Variants in KYAT1 observed in about 807,000 individuals in gnomAD.
KYAT1 encodes the protein kynurenine--oxoglutarate transaminase 1.
A neutral mutation model predicts 52.4 loss-of-function variants in KYAT1; 47 were observed. The ratio of observed to expected loss-of-function variants is 0.90; its 90% CI spans 0.71 to 1.14. The LOEUF is 1.14. Ranked by LOEUF, KYAT1 falls within the 50% of genes most tolerant of loss-of-function variation. KYAT1 has a pLI of 0.00. For missense variants in KYAT1, 480 were observed against 557.9 expected, an observed-to-expected ratio of 0.86 and a Z score of 1.41; for synonymous variants, 212 against 209.6, an observed-to-expected ratio of 1.01 and a Z score of -0.10.
At chr9:128,840,001 G>A (rs940380804) in intron 3 of KYAT1, among the ~76,000 whole-genome samples, 3 of 152,162 alleles carry the variant, frequency 2.0e-5, no homozygotes, top group Non-Finnish European at 4.4e-5. Flanking sequence ...AGGCTGAAGT[G>A]AGTTATGATC....
chr9:128,880,102 G>A (rs1053540714), intron 1 of KYAT1, among the ~76,000 whole-genome samples: 6 of 152,166 alleles, frequency 3.9e-5, no homozygotes, highest in Admixed American at 3.9e-4. Flanking sequence ...AGTATAATAC[G>A]TGGGAACATT....
At chr9:128,860,367 A>T (rs953108393) in intron 1 of KYAT1, 1 of 152,368 alleles carries the variant, frequency 6.6e-6, no homozygotes, top group Admixed American at 6.5e-5. Flanking sequence ...AGCAGCACAC[A>T]TCCACGCTGC....
intron 1 of KYAT1, among the ~76,000 whole-genome samples, chr9:128,858,989 ATC>A (rs1835071289): frequency 6.9e-6 from 1 of 144,344 alleles, no homozygotes; most frequent in African/African-American, 2.7e-5. Context: ...ACAAGACTCC[ATC>A]TCAAAAAAAA....
At chr9:128,859,363 C>CA (rs1367376537) in intron 1 of KYAT1, among the ~76,000 whole-genome samples, 3 of 149,824 alleles carry the variant, frequency 2.0e-5, no homozygotes, top group East Asian at 2.0e-4. Context: ...TCCGTCTCAA[C>CA]AACAAAAAAA....
upstream of KYAT1, chr9:128,882,198 G>T: frequency 6.5e-6 from 1 of 153,212 alleles, no homozygotes; most frequent in South Asian, 1.9e-4. Flanking sequence ...CGGCGGGACG[G>T]AGCGGCCGGG....
intron 1 of KYAT1, among the ~76,000 whole-genome samples, chr9:128,865,189 C>A (rs2130721253): frequency 7.0e-6 from 1 of 142,062 alleles, no homozygotes; most frequent in East Asian, 2.1e-4. Flanking sequence ...TGCACTACTG[C>A]ACTGCAGCCT....
intron 11 of KYAT1, 131 bp from the exon 12 acceptor site, chr9:128,833,957 A>G (rs1195039273): frequency 1.5e-6 from 1 of 680,116 alleles, no homozygotes; most frequent in African/African-American, 1.8e-5. Context: ...CTAGAGCTGC[A>G]TCAAAGTCAG....
At chr9:128,882,038 G>C (rs1448275190), upstream of KYAT1, 1 of 152,256 alleles carries the variant, frequency 6.6e-6, no homozygotes, top group Admixed American at 6.5e-5. Flanking sequence ...GAGAGCGGGA[G>C]AAAGCGCCGC....
intron 1 of KYAT1, among the ~76,000 whole-genome samples, chr9:128,854,658 T>A (rs1467455022): frequency 6.6e-6 from 1 of 152,220 alleles, no homozygotes; most frequent in Non-Finnish European, 1.5e-5. Flanking sequence ...GTGGTAAGTC[T>A]CACTATGTCT....
At chr9:128,841,355 T>C (rs955878361) in intron 3 of KYAT1, among the ~76,000 whole-genome samples, 1 of 151,804 alleles carries the variant, frequency 6.6e-6, no homozygotes, top group Non-Finnish European at 1.5e-5. Context: ...ATACAAAAAT[T>C]AGCTGGGCAT....
chr9:128,846,869 A>G (rs899596095), intron 1 of KYAT1: 3 of 1,532,014 alleles, frequency 2.0e-6, no homozygotes, highest in Non-Finnish European at 2.6e-6. Flanking sequence ...GCTGTGGTCA[A>G]TAGTGAACCC....
At chr9:128,835,716 G>C (rs374471786) in intron 9 of KYAT1, 49 bp from the exon 10 acceptor site, 1 of 1,603,936 alleles carries the variant, frequency 6.2e-7, no homozygotes. Flanking sequence ...TCCCTGACGC[G>C]GGGGCCAGCC....
rs139763644 is a variant in KYAT1, at chr9:128,837,591, C to G, written c.567+94G>C. ...TGTGTGTGGCCCTCCCACACACAAA[C>G]GAAGAAACGGAGGCCCCACAGCAGC... is the stretch of plus-strand genomic sequence containing the variant. On this transcript the variant is annotated intron_variant, in intron 6 of 12. Transcript: ENST00000302586. The G allele has an allele frequency of 3.5e-6, 5 of 1,446,750 alleles. No homozygotes were observed. In the East Asian group the frequency reaches 9.2e-5, roughly 26 times the overall value. 89.6% of individuals were successfully genotyped at this position (1,446,750 alleles called of 1,614,324 possible). A position where few individuals can be genotyped will look rare whatever the true frequency, so the allele number is the denominator to read the frequency against.
At chr9:128,876,747 CCT>C (rs530969796) in intron 1 of KYAT1, among the ~76,000 whole-genome samples, 36 of 138,972 alleles carry the variant, frequency 2.6e-4, no homozygotes, top group Admixed American at 2.2e-3. Context: ...TGAGATAGAG[CCT>C]CTCTCTTCAC....
In KYAT1 at chr9:128,835,655, C is replaced by T. The variant is rs183808885; in HGVS notation, c.868G>A (p.Glu290Lys). The change falls in exon 10 of 13, where the codon GAG becomes AAG. Residue 290 changes from glutamate to lysine, a missense_variant. Transcript: ENST00000302586. Reference protein sequence around the residue: ...CPTQSQAAVAESFEREQLLFR... With the variant: ...CPTQSQAAVAKSFEREQLLFR... ...AGCAGCTGCTCCCGTTCAAAGCTCTCGGCTACTGCAGCCTGGGCAGGGCAG... is the reference window on the plus strand; with the variant it reads ...AGCAGCTGCTCCCGTTCAAAGCTCTTGGCTACTGCAGCCTGGGCAGGGCAG... 1.6e-4 allele frequency: 258 copies of T among 1,610,048 alleles called. 1 individual carries two copies. In the East Asian group the frequency reaches 3.8e-3, roughly 24 times the overall value.
chr9:128,869,671 C>A (rs892122487), intron 1 of KYAT1, among the ~76,000 whole-genome samples: 13 of 152,032 alleles, frequency 8.6e-5, no homozygotes, highest in Non-Finnish European at 1.9e-4. Flanking sequence ...TGGCCTCTAG[C>A]AATCCTCCCG....
intron 2 of KYAT1, among the ~76,000 whole-genome samples, chr9:128,843,019 T>C (rs984452135): frequency 4.6e-5 from 7 of 151,944 alleles, no homozygotes; most frequent in Non-Finnish European, 8.8e-5. Context: ...ATACAAAAGT[T>C]AGTCAGGCAT....
intron 3 of KYAT1, among the ~76,000 whole-genome samples, chr9:128,840,319 C>T (rs1831919620): frequency 2.0e-5 from 3 of 152,134 alleles, no homozygotes; most frequent in African/African-American, 7.2e-5. Context: ...AGTGCAATGG[C>T]ACCACCTCGG....
intron 1 of KYAT1, 59 bp downstream of exon 1, chr9:128,881,838 G>A (rs1051320921): frequency 5.9e-5 from 9 of 152,392 alleles, no homozygotes; most frequent in Admixed American, 4.6e-4. Flanking sequence ...ACCGTTAGCC[G>A]ACCCTCCCAG....
Sources: gnomAD v4.1 joint callset for allele counts (sites outside exome capture counted in the v4.1 genomes callset) on GRCh38, gnomAD v4.1.1 for gene constraint, MANE v1.5 for transcripts, NCBI Gene and HGNC (gene_info 2026-07-23, HGNC 2026-07-21) for gene names.